AMOTL2: variants seen among roughly 807,000 people sequenced by gnomAD.
The protein encoded by AMOTL2 is angiomotin-like protein 2.
A neutral mutation model predicts 78.4 loss-of-function variants in AMOTL2; 33 were observed. The observed-to-expected ratio is 0.42, with a 90% CI of 0.32 to 0.56. The LOEUF is 0.56. AMOTL2 is among the 20% of genes least tolerant of loss of function. AMOTL2 has a pLI of 0.12. For synonymous variants in AMOTL2, 422 were observed against 428.8 expected (o/e 0.98, Z 0.20); for missense variants, 983 against 1,030.1 (o/e 0.95, Z 0.63).
intron 2 of AMOTL2, 157 bp from the exon 3 acceptor site, chr3:134,367,960 A>G: frequency 1.6e-6 from 1 of 625,394 alleles, no homozygotes; most frequent in Non-Finnish European, 2.6e-6. Flanking sequence ...TAATTATTCA[A>G]CCCTCTAGTG....
chr3:134,355,349 A>G lies in AMOTL2; in HGVS notation c.*2356T>C, dbSNP rs377051198. ...TCTGATACAAGAACAAGCAAGACTG[A>G]GAATGGCTTTCTTTAATTTTGAATT... On this transcript the variant is annotated 3_prime_UTR_variant, in exon 10 of 10. Transcript: ENST00000249883. Among the ~76,000 whole-genome samples, 17 of 152,340 alleles carry G rather than the reference A, an allele frequency of 1.1e-4. No homozygotes were observed. In the East Asian group the frequency reaches 2.5e-3, roughly 22 times the overall value.
rs117533420 is a variant in AMOTL2, at chr3:134,358,647, T to A, written c.2177A>T (p.Asp726Val). ...PAAHAKHGSR[D>V]GSTQTEGPPD... ...GGGGCCCTCAGTCTGGGTGCTCCCA[T>A]CTCTGCTCCCGTGTTTGGCATGGGC... The change falls in exon 9 of 10, where the codon GAT (aspartate) becomes GTT (valine). Residue 726 changes from aspartate to valine, a missense_variant. Transcript: ENST00000249883. 6.2e-7 allele frequency: 1 copy of A among 1,613,572 alleles called. No individual in the cohort carries two copies. The highest frequency in any genetic ancestry group is 2.2e-5 in the East Asian group (1 of 44,858).
rs3732852 is a variant in AMOTL2 at position 134,357,312 on chromosome 3, G to T, written c.*393C>A. 147,790 of 203,810 alleles carry T rather than the reference G, an allele frequency of 0.73. 55,264 individuals are homozygous for T. Among genetic ancestry groups the T allele is most frequent in the East Asian group, 0.92 (8,411 of 9,106 alleles). 12.6% of individuals were successfully genotyped at this position (203,810 alleles called of 1,614,324 possible). ...ACCTGGTGTCCACGGGCAGCCGTCCGTGGAAATTAGTTCCCCAAACCAACA... is the reference window on the plus strand; with the variant it reads ...ACCTGGTGTCCACGGGCAGCCGTCCTTGGAAATTAGTTCCCCAAACCAACA... On this transcript the variant is annotated 3_prime_UTR_variant, in exon 10 of 10. Transcript: ENST00000249883.
At chr3:134,374,700 C>G, upstream of AMOTL2, 1 of 982,042 alleles carries the variant, frequency 1.0e-6, no homozygotes, top group Non-Finnish European at 1.2e-6. Context: ...CGCCCAGCGC[C>G]CTCCAGGCCG....
At position 134,358,554 on chromosome 3, in the gene AMOTL2, C is replaced by G; in HGVS notation, c.2270G>C (p.Arg757Thr). 1.2e-6 allele frequency: 2 copies of G among 1,613,592 alleles called. No individual in the cohort carries two copies. Among genetic ancestry groups the G allele is most frequent in the Non-Finnish European group, 8.5e-7 (1 of 1,179,780 alleles). The change falls in exon 9 of 10, where the codon AGA (arginine) becomes ACA (threonine). Residue 757 changes from arginine (R) to threonine (T), a missense_variant. Physicochemically the swap from Arg to Thr is moderately conservative, Grantham distance 71. Coordinates refer to ENST00000249883, the MANE Select transcript of AMOTL2 (RefSeq NM_016201.4). Reference sequence around the variant, plus strand: ...GGAGGACTTACCCAGAGAGGCTGCTCTCTGGCTACTGCTGCACCCCAGAAG... The same window carrying G: ...GGAGGACTTACCCAGAGAGGCTGCTGTCTGGCTACTGCTGCACCCCAGAAG... ...DSLLGCSSSQ[R>T]AASLDSVATS...
rs2017126763 is a variant in AMOTL2 at position 134,357,495 on chromosome 3, C to CAG, written c.*208_*209dup. On this transcript the variant is annotated 3_prime_UTR_variant, in exon 10 of 10. Transcript: ENST00000249883. Reference sequence around the variant, plus strand: ...GCCCGGAGGAATGTGGGCTAAGAAGCAGAGTCTTCTGGGGGTGCCGGTGCT... The same window carrying CAG: ...GCCCGGAGGAATGTGGGCTAAGAAGCAGAGAGTCTTCTGGGGGTGCCGGTGCT... 1.7e-6 allele frequency: 1 copy of CAG among 591,056 alleles called. No individual in the cohort carries two copies. Among genetic ancestry groups the CAG allele is most frequent in the Non-Finnish European group, 3.0e-6 (1 of 328,534 alleles). The allele number at this position is 591,056 out of a possible 1,614,324, so 36.6% of individuals were successfully genotyped here.
intron 5 of AMOTL2, among the ~76,000 whole-genome samples, chr3:134,362,717 A>C (rs1305368351): frequency 6.6e-6 from 1 of 152,240 alleles, no homozygotes; most frequent in African/African-American, 2.4e-5. Flanking sequence ...GGCCCTCTCC[A>C]TAGGGCCAGG....
At chr3:134,364,154 T>A (rs140509999) in intron 5 of AMOTL2, among the ~76,000 whole-genome samples, 1 of 150,866 alleles carries the variant, frequency 6.6e-6, no homozygotes, top group Non-Finnish European at 1.5e-5. Context: ...GTGCTCACCC[T>A]CCCTCCTCCC....
At chr3:134,373,340 GA>G (rs1255673564) in intron 1 of AMOTL2, among the ~76,000 whole-genome samples, 2 of 152,088 alleles carry the variant, frequency 1.3e-5, no homozygotes, top group African/African-American at 4.8e-5. Context: ...AAGGAATGCG[GA>G]GCCTTCCTGA....
At chr3:134,373,383 C>T (rs1383573086) in intron 1 of AMOTL2, 5 of 834,194 alleles carry the variant, frequency 6.0e-6, no homozygotes, top group Non-Finnish European at 7.2e-6. Flanking sequence ...TGTGCCCGGA[C>T]TGGGAGCAAG....
At chr3:134,360,969 T>C (rs1215607289) in intron 6 of AMOTL2, among the ~76,000 whole-genome samples, 9 of 149,706 alleles carry the variant, frequency 6.0e-5, no homozygotes, top group Non-Finnish European at 1.2e-4. Context: ...AGGTCAGGGG[T>C]TCAAGACCAG....
chr3:134,368,027 A>T (rs74755756), intron 2 of AMOTL2, among the ~76,000 whole-genome samples: 4 of 152,192 alleles, frequency 2.6e-5, no homozygotes, highest in African/African-American at 9.6e-5. Flanking sequence ...GAGGCTCTCA[A>T]GAGTCAGACA....
rs563580216 is a variant in AMOTL2 at position 134,360,949 on chromosome 3, G to A, written c.1576-536C>T. Among the ~76,000 whole-genome samples, 34 of 152,302 alleles carry A rather than the reference G, an allele frequency of 2.2e-4. No homozygotes were observed. In the South Asian group the frequency reaches 3.3e-3, roughly 15 times the overall value. On this transcript the variant is annotated intron_variant, in intron 6 of 9. Coordinates refer to ENST00000249883, the MANE Select transcript of AMOTL2 (RefSeq NM_016201.4). ...AGCACTTTGGGAGGCCAAGGTCGGC[G>A]GACCACGTGAGGTCAGGGGTTCAAG...
At position 134,357,668 on chromosome 3, in the gene AMOTL2, G is replaced by C. The variant is rs781668635; in HGVS notation, c.*37C>G. 2.1e-5 allele frequency: 34 copies of C among 1,608,150 alleles called. No individual in the cohort carries two copies. Among genetic ancestry groups the C allele is most frequent in the Non-Finnish European group, 2.9e-5 (34 of 1,174,738 alleles). On this transcript the variant is annotated 3_prime_UTR_variant, in exon 10 of 10. Transcript: ENST00000249883. Reference sequence around the variant, plus strand: ...TGAGAGTGGCACAGGGCAGAGGAGGGGAGAGAATGGCTCAGAGTCCTGAAG... The same window carrying C: ...TGAGAGTGGCACAGGGCAGAGGAGGCGAGAGAATGGCTCAGAGTCCTGAAG...
intron 7 of AMOTL2, 27 bp downstream of exon 7, chr3:134,360,079 T>C (rs2017284651): frequency 6.3e-7 from 1 of 1,589,834 alleles, no homozygotes; most frequent in East Asian, 2.3e-5. Flanking sequence ...CCCCCCAACC[T>C]CAGGTGCCTG....
intron 5 of AMOTL2, among the ~76,000 whole-genome samples, chr3:134,362,778 A>G (rs991860496): frequency 2.6e-5 from 4 of 152,180 alleles, no homozygotes; most frequent in African/African-American, 9.6e-5. Context: ...CTAGCCTTAA[A>G]TCCACCTCCC....
At chr3:134,364,620 C>T (rs1559799123) in intron 5 of AMOTL2, among the ~76,000 whole-genome samples, 1 of 152,098 alleles carries the variant, frequency 6.6e-6, no homozygotes, top group African/African-American at 2.4e-5. Context: ...ACCAGCCTAC[C>T]TCCTGCCCCA....
In AMOTL2 at chr3:134,367,746, G is replaced by T; in HGVS notation, c.792C>A (p.Tyr264Ter). ...VFLQQQQQYQYLQQSQEHPPP... is the reference protein window; with the variant it reads ...VFLQQQQQYQ The stretch of plus-strand genomic sequence containing the variant: ...GGGGGTGCTCCTGAGATTGCTGCAG[G>T]TACTGGTACTGCTGCTGCTGTTGGA... The change falls in exon 3 of 10, where the codon TAC becomes TAA. Residue 264 changes from tyrosine (Y) to a stop codon, truncating the protein, a stop_gained. Transcript: ENST00000249883. LOFTEE classifies it high-confidence loss of function. The T allele has an allele frequency of 6.2e-7, 1 of 1,613,794 alleles. No homozygotes were observed. The highest frequency in any genetic ancestry group is 8.5e-7 in the Non-Finnish European group (1 of 1,180,008).
chr3:134,371,371 G>A lies in AMOTL2; in HGVS notation c.63C>T (p.Arg21=). ...TGCGCGTCTCAGTCAGGTTGCCGTAGCGCAGCTGCTCCTGGATGAGGCGGT... is the reference window on the plus strand; with the variant it reads ...TGCGCGTCTCAGTCAGGTTGCCGTAACGCAGCTGCTCCTGGATGAGGCGGT... ...VLHRLIQEQL[R]YGNLTETRTL... Residue 21 remains arginine (R), a synonymous_variant, in exon 2 of 10, where the codon CGC becomes CGT. Transcript: ENST00000249883. 2 of 1,609,668 alleles carry A rather than the reference G, an allele frequency of 1.2e-6. No individual in the cohort carries two copies. The highest frequency in any genetic ancestry group is 1.7e-6 in the Non-Finnish European group (2 of 1,180,010).
Sources: allele counts gnomAD v4.1 joint callset (sites outside exome capture counted in the v4.1 genomes callset), GRCh38; gene constraint gnomAD v4.1.1; transcripts MANE v1.5; gene names NCBI Gene and HGNC (gene_info 2026-07-23, HGNC 2026-07-21).